NEGR1: variants seen among roughly 807,000 people sequenced by gnomAD.
NEGR1 encodes the protein IgLON family member 4.
Under a neutral mutation model 40.9 loss-of-function variants are expected in NEGR1, and 10 were observed. That is an observed-to-expected ratio of 0.24 (90% CI 0.15 to 0.42). NEGR1 has a LOEUF of 0.42. Ranked by LOEUF, NEGR1 falls within the 10% of genes least tolerant of loss-of-function variation. The probability of loss-of-function intolerance (pLI) is 1.00; values close to 1 mark genes in which losing one functional copy is unlikely to be tolerated. For synonymous variants in NEGR1, 185 were observed against 166.8 expected, an observed-to-expected ratio of 1.11 and a Z score of -0.84; for missense variants, 352 against 438.9, an observed-to-expected ratio of 0.80 and a Z score of 1.77.
intron 1 of NEGR1, among the ~76,000 whole-genome samples, chr1:72,057,726 A>T (rs1647124885): frequency 6.6e-6 from 1 of 151,540 alleles, no homozygotes; most frequent in African/African-American, 2.4e-5. Context: ...GGAGACTGGA[A>T]ATTCAAGATA....
In NEGR1 at chr1:72,093,218, C is replaced by T. The variant is rs1195621858; in HGVS notation, c.177-157907G>A. On this transcript the variant is annotated intron_variant, in intron 1 of 6. Coordinates refer to ENST00000357731, the MANE Select transcript of NEGR1 (RefSeq NM_173808.3). ...TGGTGGTGCATGCCTGTAGTCCCTG[C>T]TAGCTGGTAGGCTGAGGCAGGAGAA... Among the ~76,000 whole-genome samples the T allele has an allele frequency of 2.0e-5, 3 of 151,356 alleles. No homozygotes were observed. In the East Asian group the frequency reaches 5.8e-4, roughly 29 times the overall value.
At chr1:71,857,238 A>G (rs1248794644) in intron 2 of NEGR1, among the ~76,000 whole-genome samples, 1 of 151,920 alleles carries the variant, frequency 6.6e-6, no homozygotes, top group Non-Finnish European at 1.5e-5. Flanking sequence ...GTTAGAACTC[A>G]AAAGAACTAC....
At chr1:71,721,669 A>G (rs1654515648) in intron 3 of NEGR1, among the ~76,000 whole-genome samples, 1 of 152,138 alleles carries the variant, frequency 6.6e-6, no homozygotes, top group African/African-American at 2.4e-5. Flanking sequence ...CTATCATTAA[A>G]TACCAGTAGC....
intron 1 of NEGR1, among the ~76,000 whole-genome samples, chr1:71,943,998 A>T (rs997935670): frequency 6.6e-6 from 1 of 152,210 alleles, no homozygotes; most frequent in African/African-American, 2.4e-5. Flanking sequence ...CTTTGTTCCA[A>T]TGGCTTTAAA....
chr1:71,567,331 T>C (rs1648652177), intron 6 of NEGR1, among the ~76,000 whole-genome samples: 1 of 152,140 alleles, frequency 6.6e-6, no homozygotes, highest in African/African-American at 2.4e-5. Flanking sequence ...GCTATGAATG[T>C]GGTAGCTGAG....
At position 71,787,438 on chromosome 1, in the gene NEGR1, C is replaced by G. The variant is rs139415508; in HGVS notation, c.410-11141G>C. On this transcript the variant is annotated intron_variant, in intron 2 of 6. Coordinates refer to ENST00000357731, the MANE Select transcript of NEGR1 (RefSeq NM_173808.3). ...TGTGAGTCAGGACAAAGTATACATA[C>G]ATATTGTGATTGATGGGGCCAGGTA... is the stretch of plus-strand genomic sequence containing the variant. Among the ~76,000 whole-genome samples the G allele has an allele frequency of 3.1e-3, 475 of 152,236 alleles. 7 individuals carry two copies. The highest frequency in any genetic ancestry group is 0.011 in the African/African-American group (457 of 41,540).
chr1:72,259,188 T>C (rs1010233093), intron 1 of NEGR1, among the ~76,000 whole-genome samples: 3 of 152,226 alleles, frequency 2.0e-5, no homozygotes, highest in Admixed American at 2.0e-4. Flanking sequence ...AAGTATATAG[T>C]ATCAATATTA....
chr1:71,636,874 A>C (rs988287406), intron 4 of NEGR1, among the ~76,000 whole-genome samples: 1 of 152,032 alleles, frequency 6.6e-6, no homozygotes, highest in African/African-American at 2.4e-5. Flanking sequence ...CACATACCCA[A>C]GGTACTGTTT....
intron 4 of NEGR1, among the ~76,000 whole-genome samples, chr1:71,696,952 C>T (rs1269211142): frequency 6.6e-6 from 1 of 151,806 alleles, no homozygotes; most frequent in African/African-American, 2.4e-5. Flanking sequence ...GACAGTTCAA[C>T]CCTAAGTATA....
At chr1:71,439,331 C>T (rs1236049587) in intron 6 of NEGR1, among the ~76,000 whole-genome samples, 1 of 152,076 alleles carries the variant, frequency 6.6e-6, no homozygotes, top group Non-Finnish European at 1.5e-5. Context: ...TGAAATTTCA[C>T]CGTATGTCCT....
intron 4 of NEGR1, among the ~76,000 whole-genome samples, chr1:71,641,972 G>A (rs1651369926): frequency 6.6e-6 from 1 of 151,998 alleles, no homozygotes; most frequent in South Asian, 2.1e-4. Flanking sequence ...TGATCCATAT[G>A]CTTGGGGCCT....
At chr1:71,511,746 C>G (rs72936181) in intron 6 of NEGR1, among the ~76,000 whole-genome samples, 3,043 of 152,232 alleles carry the variant, frequency 0.02, 94 homozygotes, top group African/African-American at 0.07. Context: ...CACAAAGTAT[C>G]AGCAGCTGTA....
intron 6 of NEGR1, among the ~76,000 whole-genome samples, chr1:71,529,483 A>C (rs927206657): frequency 2.0e-5 from 3 of 151,250 alleles, no homozygotes; most frequent in African/African-American, 7.3e-5. Context: ...CAACCCAATA[A>C]ATAATTTTAG....
chr1:71,818,096 G>A (rs1035963885), intron 2 of NEGR1, among the ~76,000 whole-genome samples: 3 of 152,014 alleles, frequency 2.0e-5, no homozygotes, highest in African/African-American at 7.2e-5. Context: ...TGATTGGGGT[G>A]TAAATTAGTT....
chr1:71,910,641 G>C (rs1292747129), intron 2 of NEGR1, among the ~76,000 whole-genome samples: 2 of 152,208 alleles, frequency 1.3e-5, no homozygotes, highest in South Asian at 2.1e-4. Flanking sequence ...AAAATCTTAA[G>C]CTTTTAAAGT....
chr1:71,617,694 A>C (rs1464824114), intron 4 of NEGR1, among the ~76,000 whole-genome samples: 1 of 152,180 alleles, frequency 6.6e-6, no homozygotes, highest in Non-Finnish European at 1.5e-5. Context: ...CCTGAACTAA[A>C]ATCATTTTCC....
At position 71,688,371 on chromosome 1, in the gene NEGR1, T is replaced by TATAAAAAAGACATATATAAG. The variant is rs1553158636; in HGVS notation, c.667+9636_667+9637insCTTATATATGTCTTTTTTAT. Among the ~76,000 whole-genome samples the TATAAAAAAGACATATATAAG allele has an allele frequency of 9.5e-5, 9 of 95,094 alleles. No individual in the cohort carries two copies. In the East Asian group the frequency reaches 3.0e-3, roughly 31 times the overall value. The allele number at this position is 95,094 out of a possible 152,430, so 62.4% of individuals were successfully genotyped here. A position where few individuals can be genotyped will look rare whatever the true frequency, so the allele number is the denominator to read the frequency against. Reference sequence around the variant, plus strand: ...ATAGATAGATTATATATATATGAGATATATACATAAAAGATATATAAAATA... The same window carrying TATAAAAAAGACATATATAAG: ...ATAGATAGATTATATATATATGAGATATAAAAAAGACATATATAAGATATACATAAAAGATATATAAAATA... On this transcript the variant is annotated intron_variant, in intron 4 of 6. Transcript: ENST00000357731.
At chr1:71,757,287 C>T (rs748817126) in intron 3 of NEGR1, among the ~76,000 whole-genome samples, 15 of 152,046 alleles carry the variant, frequency 9.9e-5, no homozygotes, top group African/African-American at 2.2e-4. Flanking sequence ...ATAGAGAATG[C>T]TCTCCATAAA....
chr1:72,105,228 C>G (rs1464145218), intron 1 of NEGR1, among the ~76,000 whole-genome samples: 1 of 152,012 alleles, frequency 6.6e-6, no homozygotes, highest in Non-Finnish European at 1.5e-5. Flanking sequence ...ATCATTAAAC[C>G]CTTCAACTAA....
Sources: allele counts gnomAD v4.1 joint callset (sites outside exome capture counted in the v4.1 genomes callset), GRCh38; gene constraint gnomAD v4.1.1; transcripts MANE v1.5; gene names NCBI Gene and HGNC (gene_info 2026-07-23, HGNC 2026-07-21).